UGT2B7: variants seen among roughly 807,000 people sequenced by gnomAD.
UGT2B7 encodes UDP glucuronosyltransferase family 2 member B7.
In UGT2B7, 51 loss-of-function variants were observed where a neutral mutation model predicts 51.9. The observed-to-expected ratio is 0.98, with a 90% CI of 0.78 to 1.24. The LOEUF (loss-of-function observed/expected upper bound fraction) is 1.24. Among genes scored for constraint, UGT2B7 ranks in the 50% most tolerant of loss-of-function variants. The pLI is 0.00. For synonymous variants in UGT2B7, 225 were observed against 211.6 expected, an observed-to-expected ratio of 1.06 and a Z score of -0.55; for missense variants, 727 against 628.4, an observed-to-expected ratio of 1.16 and a Z score of -1.68.
At chr4:69,075,900 G>A (rs960477232) in intron 1 of UGT2B7, among the ~76,000 whole-genome samples, 1 of 152,056 alleles carries the variant, frequency 6.6e-6, no homozygotes, top group Non-Finnish European at 1.5e-5. Flanking sequence ...ACCTATATTA[G>A]GTATTTCTCC....
chr4:69,079,538 A>G (rs1718789105), intron 1 of UGT2B7, among the ~76,000 whole-genome samples: 1 of 152,176 alleles, frequency 6.6e-6, no homozygotes, highest in Admixed American at 6.6e-5. Flanking sequence ...GCATATTGTG[A>G]CAGGTCTTTC....
At chr4:69,052,283 A>G (rs1416617619) in intron 1 of UGT2B7, among the ~76,000 whole-genome samples, 1 of 152,050 alleles carries the variant, frequency 6.6e-6, no homozygotes, top group Non-Finnish European at 1.5e-5. Context: ...CCCCAACAGT[A>G]GTTAAGAGAA....
chr4:69,084,045 G>GT (rs1718894372), intron 1 of UGT2B7, among the ~76,000 whole-genome samples: 1 of 151,974 alleles, frequency 6.6e-6, no homozygotes, highest in Non-Finnish European at 1.5e-5. Flanking sequence ...AGTTTGAAGT[G>GT]TTTTTAGTAT....
intron 1 of UGT2B7, among the ~76,000 whole-genome samples, chr4:69,085,124 A>T (rs1333564346): frequency 1.3e-5 from 2 of 152,164 alleles, no homozygotes; most frequent in Admixed American, 6.6e-5. Flanking sequence ...CATCCTCTCC[A>T]GCATCAGTTG....
At chr4:69,083,829 G>C (rs11932131) in intron 1 of UGT2B7, among the ~76,000 whole-genome samples, 2 of 151,716 alleles carry the variant, frequency 1.3e-5, no homozygotes, top group Non-Finnish European at 2.9e-5. Context: ...TATGCAGAGA[G>C]GGATAATTTG....
Position 69,064,125 on chromosome 4 carries a change from A to AAAGAAAGAAAGG in UGT2B7, c.-159+12534_-159+12535insGAAGAAAGAAAG, listed in dbSNP as rs1560499830. On this transcript the variant is annotated intron_variant, in intron 1 of 5. Transcript: ENST00000502942. ...AAGAAAGAAAGAAAAAGAAAGAAAG[A>AAAGAAAGAAAGG]AAGAAAGAAAGAAAAACAAAATTAA... 1.2e-3 allele frequency among the ~76,000 whole-genome samples: 176 copies of AAAGAAAGAAAGG among 144,388 alleles called. 2 individuals carry two copies. The highest frequency in any genetic ancestry group is 4.2e-3 in the African/African-American group (161 of 38,182). The allele number at this position is 144,388 out of a possible 152,430, so 94.7% of individuals were successfully genotyped here. A position where few individuals can be genotyped will look rare whatever the true frequency, so the allele number is the denominator to read the frequency against.
At chr4:69,099,645 G>T (rs1719363171) in intron 2 of UGT2B7, among the ~76,000 whole-genome samples, 1 of 151,944 alleles carries the variant, frequency 6.6e-6, no homozygotes, top group Non-Finnish European at 1.5e-5. Flanking sequence ...TTCATATTGT[G>T]TTGAGTGGAA....
At chr4:69,097,449 C>T (rs1460683839) in intron 1 of UGT2B7, among the ~76,000 whole-genome samples, 4 of 152,016 alleles carry the variant, frequency 2.6e-5, no homozygotes, top group Non-Finnish European at 4.4e-5. Flanking sequence ...ATCACTCACA[C>T]AGAACACCCC....
intron 1 of UGT2B7, among the ~76,000 whole-genome samples, chr4:69,070,792 TA>T (rs1490443520): frequency 6.6e-6 from 1 of 152,128 alleles, no homozygotes; most frequent in Non-Finnish European, 1.5e-5. Context: ...GGTCACCTTC[TA>T]GGACAAATCC....
At position 69,112,716 on chromosome 4, in the gene UGT2B7, A is replaced by T. The variant is rs764405050; in HGVS notation, c.1570A>T (p.Lys524Ter). The T allele has an allele frequency of 1.2e-6, 2 of 1,613,936 alleles. No homozygotes were observed. The highest frequency in any genetic ancestry group is 1.7e-6 in the Non-Finnish European group (2 of 1,179,858). ...TTTCTGGAAGTTTGCTAGAAAAGCAAAGAAGGGAAAAAATGATTAGTTATA... is the reference window on the plus strand; with the variant it reads ...TTTCTGGAAGTTTGCTAGAAAAGCATAGAAGGGAAAAAATGATTAGTTATA... ...FCFWKFARKAKKGKND is the reference protein window; with the variant it reads ...FCFWKFARKA The change falls in exon 6 of 6, where the codon AAG becomes TAG. Residue 524 changes from lysine (K) to a stop codon, truncating the protein, a stop_gained. Transcript: ENST00000305231. LOFTEE classifies it high-confidence loss of function.
At chr4:69,066,205 C>T (rs572555836) in intron 1 of UGT2B7, among the ~76,000 whole-genome samples, 3 of 152,158 alleles carry the variant, frequency 2.0e-5, no homozygotes, top group Non-Finnish European at 4.4e-5. Flanking sequence ...GTACATGTTC[C>T]GGTTTGTTGC....
intron 5 of UGT2B7, among the ~76,000 whole-genome samples, chr4:69,109,398 G>T (rs2109895055): frequency 6.6e-6 from 1 of 152,180 alleles, no homozygotes; most frequent in South Asian, 2.1e-4. Context: ...TGCCAAACCT[G>T]TTATTCCCTG....
intron 1 of UGT2B7, among the ~76,000 whole-genome samples, chr4:69,066,969 A>G (rs773319942): frequency 2.0e-5 from 3 of 152,066 alleles, no homozygotes; most frequent in Admixed American, 2.0e-4. Flanking sequence ...CCTCTATTCA[A>G]GCACCATCAC....
At chr4:69,092,354 T>A (rs1474379868), upstream of UGT2B7, among the ~76,000 whole-genome samples, 3 of 152,218 alleles carry the variant, frequency 2.0e-5, no homozygotes, top group Non-Finnish European at 2.9e-5. Flanking sequence ...GAGTGTTGTC[T>A]ACAGTCAGGC....
At chr4:69,060,100 G>A (rs1718310562) in intron 1 of UGT2B7, among the ~76,000 whole-genome samples, 1 of 152,210 alleles carries the variant, frequency 6.6e-6, no homozygotes, top group African/African-American at 2.4e-5. Flanking sequence ...AACAGTGACT[G>A]TGTCTTGCTC....
intron 2 of UGT2B7, among the ~76,000 whole-genome samples, 178 bp from the exon 3 acceptor site, chr4:69,102,629 T>TC (rs1440576052): frequency 6.6e-6 from 1 of 152,186 alleles, no homozygotes; most frequent in Non-Finnish European, 1.5e-5. Context: ...TCCACCTATC[T>TC]CATATTATAC....
At chr4:69,080,619 T>G (rs1052346511) in intron 1 of UGT2B7, among the ~76,000 whole-genome samples, 1 of 151,652 alleles carries the variant, frequency 6.6e-6, no homozygotes, top group African/African-American at 2.4e-5. Flanking sequence ...CTTAGCAAAA[T>G]GAGACGATTA....
At chr4:69,088,132 C>A (rs893318593) in intron 1 of UGT2B7, among the ~76,000 whole-genome samples, 2 of 151,742 alleles carry the variant, frequency 1.3e-5, no homozygotes, top group Admixed American at 1.3e-4. Flanking sequence ...AATTATTTCT[C>A]TTTTTTTGCT....
At chr4:69,060,737 G>A (rs1046839906) in intron 1 of UGT2B7, among the ~76,000 whole-genome samples, 3 of 152,168 alleles carry the variant, frequency 2.0e-5, no homozygotes, top group South Asian at 2.1e-4. Flanking sequence ...CTGACTTTAG[G>A]ACAGCAAGTG....
Sources: gnomAD v4.1 joint callset for allele counts (sites outside exome capture counted in the v4.1 genomes callset) on GRCh38, gnomAD v4.1.1 for gene constraint, MANE v1.5 for transcripts, NCBI Gene and HGNC (gene_info 2026-07-23, HGNC 2026-07-21) for gene names.